Variants in ISCU observed in about 807,000 individuals in gnomAD.
ISCU encodes iron-sulfur cluster assembly enzyme ISCU.
A neutral mutation model predicts 18.4 loss-of-function variants in ISCU; 13 were observed. The observed-to-expected ratio is 0.71, with a 90% CI of 0.46 to 1.12. The LOEUF (loss-of-function observed/expected upper bound fraction) is 1.12. ISCU is among the 50% of genes most tolerant of loss of function. The probability of loss-of-function intolerance (pLI) is 0.00; values close to 1 mark genes in which losing one functional copy is unlikely to be tolerated. For synonymous variants in ISCU, 104 were observed against 87.5 expected (o/e 1.19, Z -1.06); for missense variants, 229 against 208.7 (o/e 1.10, Z -0.60).
At chr12:108,565,197 T>G in intron 2 of ISCU, 124 bp from the exon 3 acceptor site, 1 of 735,860 alleles carries the variant, frequency 1.4e-6, no homozygotes, top group Admixed American at 2.1e-5. Context: ...CAGTAATTAA[T>G]GCCATCACTT....
intron 2 of ISCU, 83 bp downstream of exon 2, chr12:108,564,475 T>C (rs2030796269): frequency 3.3e-6 from 3 of 921,318 alleles, no homozygotes; most frequent in Non-Finnish European, 5.3e-6. Flanking sequence ...GGTCTCCATC[T>C]TTATTCCTGT....
At chr12:108,561,481 A>C, upstream of ISCU, 1 of 300,088 alleles carries the variant, frequency 3.3e-6, no homozygotes, top group Admixed American at 4.9e-5. Context: ...ATTTGGCGCC[A>C]TCTTGAGAAG....
rs376434967 is a variant in ISCU at position 108,567,181 on chromosome 12, G to T, written c.340-9G>T. The T allele has an allele frequency of 1.4e-5, 23 of 1,609,962 alleles. No individual in the cohort carries two copies. The highest frequency in any genetic ancestry group is 1.6e-4 in the Middle Eastern group (1 of 6,070). On this transcript the variant is annotated splice_polypyrimidine_tract_variant and intron_variant, in intron 3 of 4. Coordinates refer to ENST00000311893, the MANE Select transcript of ISCU (RefSeq NM_213595.4). ...CTAAAACTGCCCATCTTTCCATTAT[G>T]CCTCTCAGGTGGAGGAAGCCTTGAC... is the stretch of plus-strand genomic sequence containing the variant.
intron 4 of ISCU, 39 bp from the exon 5 acceptor site, chr12:108,568,792 A>G (rs2031016813): frequency 2.5e-6 from 4 of 1,595,312 alleles, no homozygotes; most frequent in Non-Finnish European, 2.6e-6. Flanking sequence ...TTTCTTTCAC[A>G]TCTAGAAACT....
chr12:108,564,358 G>A lies in ISCU; in HGVS notation c.194G>A (p.Gly65Glu). 1 of 1,613,984 alleles carries A rather than the reference G, an allele frequency of 6.2e-7. No homozygotes were observed. The highest frequency in any genetic ancestry group is 2.2e-5 in the East Asian group (1 of 44,884). Residue 65 changes from glycine to glutamate, a missense_variant, in exon 2 of 5, where the codon GGG becomes GAG. Gly to Glu is a moderately conservative substitution (Grantham distance 98, BLOSUM62 -2). Coordinates refer to ENST00000311893, the MANE Select transcript of ISCU (RefSeq NM_213595.4). ...TSKNVGTGLV[G>E]APACGDVMKL... ...AAAAATGTTGGAACTGGACTGGTGGGGGCTCCAGCATGTGGTGACGTAATG... is the reference window on the plus strand; with the variant it reads ...AAAAATGTTGGAACTGGACTGGTGGAGGCTCCAGCATGTGGTGACGTAATG...
At chr12:108,563,313 G>A (rs753451724) in intron 1 of ISCU, 1 of 152,734 alleles carries the variant, frequency 6.5e-6, no homozygotes, top group African/African-American at 2.4e-5. Context: ...TTGTTTGGGG[G>A]GTTTTTTGGC....
rs2031029897 is a variant in ISCU at position 108,568,979 on chromosome 12, C to G, written c.*63C>G. 7.1e-7 allele frequency: 1 copy of G among 1,409,364 alleles called. No individual in the cohort carries two copies. The highest frequency in any genetic ancestry group is 9.9e-7 in the Non-Finnish European group (1 of 1,010,760). The allele number at this position is 1,409,364 out of a possible 1,614,324, so 87.3% of individuals were successfully genotyped here. On this transcript the variant is annotated 3_prime_UTR_variant, in exon 5 of 5. Transcript: ENST00000311893. ...CTGTTTCCCACCTGCTGTGCAGTCACCTTAGATGTTCAGAAGCCGCTTCCT... is the reference window on the plus strand; with the variant it reads ...CTGTTTCCCACCTGCTGTGCAGTCAGCTTAGATGTTCAGAAGCCGCTTCCT...
At chr12:108,562,312 T>C (rs77073406), upstream of ISCU, among the ~76,000 whole-genome samples, 7,280 of 152,188 alleles carry the variant, frequency 0.048, 580 homozygotes, top group African/African-American at 0.17. Flanking sequence ...CTGCGCCGCA[T>C]TCCCGCAGCG....
chr12:108,568,036 A>G, intron 4 of ISCU: 1 of 1,499,178 alleles, frequency 6.7e-7, no homozygotes, highest in Non-Finnish European at 8.9e-7. Flanking sequence ...ACAGCAGAAG[A>G]GCCAGGTGCC....
chr12:108,564,881 T>C (rs754179567), intron 2 of ISCU: 3 of 262,954 alleles, frequency 1.1e-5, no homozygotes, highest in African/African-American at 2.2e-5. Context: ...TCTTCATACC[T>C]ATCTTGGAAT....
At chr12:108,564,216 A>G in intron 1 of ISCU, 63 bp from the exon 2 acceptor site, 4 of 1,564,414 alleles carry the variant, frequency 2.6e-6, no homozygotes, top group South Asian at 1.1e-5. Flanking sequence ...GGAGCTTACC[A>G]TCAAACCAGA....
intron 3 of ISCU, 146 bp downstream of exon 3, chr12:108,565,577 G>A: frequency 9.2e-6 from 6 of 652,074 alleles, no homozygotes; most frequent in Non-Finnish European, 1.6e-5. Flanking sequence ...TCTACTAGGT[G>A]TTGTTTGGGT....
upstream of ISCU, chr12:108,562,497 A>G (rs2136708241): frequency 3.9e-6 from 2 of 511,974 alleles, no homozygotes; most frequent in Middle Eastern, 5.2e-4. Flanking sequence ...GCGTGCACGG[A>G]GCGGTAAAGC....
intron 4 of ISCU, chr12:108,568,493 A>C: frequency 5.0e-6 from 6 of 1,199,994 alleles, no homozygotes; most frequent in Non-Finnish European, 6.3e-6. Flanking sequence ...TGTCCCTACT[A>C]TGTGTCAGAC....
chr12:108,563,850 T>C (rs1188333834), intron 1 of ISCU: 1 of 573,478 alleles, frequency 1.7e-6, no homozygotes, highest in Admixed American at 2.8e-5. Flanking sequence ...ACAGTCACCT[T>C]AAGGCTTCTA....
intron 2 of ISCU, among the ~76,000 whole-genome samples, chr12:108,564,709 A>G (rs1238709179): frequency 6.6e-6 from 1 of 152,262 alleles, no homozygotes; most frequent in Non-Finnish European, 1.5e-5. Flanking sequence ...TGATCAAAGG[A>G]AAATCCCAGT....
In ISCU at chr12:108,566,055, C is replaced by G. The variant is rs964498226; in HGVS notation, c.339+624C>G. 2.6e-5 allele frequency among the ~76,000 whole-genome samples: 4 copies of G among 152,272 alleles called. 1 individual carries two copies. Among genetic ancestry groups the G allele is most frequent in the Admixed American group, 2.6e-4 (4 of 15,288 alleles). ...CAAACACAGTGAAGAGCTGGACTTTCTAAAATCCAGTTGCTGTCAAAACCT... is the reference window on the plus strand; with the variant it reads ...CAAACACAGTGAAGAGCTGGACTTTGTAAAATCCAGTTGCTGTCAAAACCT... On this transcript the variant is annotated intron_variant, in intron 3 of 4. Coordinates refer to ENST00000311893, the MANE Select transcript of ISCU (RefSeq NM_213595.4).
At chr12:108,568,776 A>C in intron 4 of ISCU, 55 bp from the exon 5 acceptor site, 1 of 1,575,584 alleles carries the variant, frequency 6.3e-7, no homozygotes, top group Non-Finnish European at 8.6e-7. Flanking sequence ...TCTATTCCCA[A>C]GTCCATTTCT....
chr12:108,565,777 CCT>C (rs2030869605), intron 3 of ISCU, among the ~76,000 whole-genome samples: 1 of 152,032 alleles, frequency 6.6e-6, no homozygotes, highest in African/African-American at 2.4e-5. Context: ...TTGTTTATTT[CCT>C]CTCATGTTTC....
Sources: allele counts gnomAD v4.1 joint callset (sites outside exome capture counted in the v4.1 genomes callset), GRCh38; gene constraint gnomAD v4.1.1; transcripts MANE v1.5; gene names NCBI Gene and HGNC (gene_info 2026-07-23, HGNC 2026-07-21).